Variants in TMEM108 observed in about 807,000 individuals in gnomAD.
The protein encoded by TMEM108 is cancer/testis antigen 124.
TMEM108 carries 12 observed loss-of-function variants against 35.1 expected under a neutral mutation model. That is an observed-to-expected ratio of 0.34 (90% confidence interval 0.22 to 0.55). The LOEUF (loss-of-function observed/expected upper bound fraction) is 0.55, where lower values mean the gene tolerates loss of function less well. TMEM108 is among the 20% of genes least tolerant of loss of function. The pLI is 0.89. For synonymous variants in TMEM108, 287 were observed against 308.6 expected (o/e 0.93, Z 0.73); for missense variants, 680 against 753.3 (o/e 0.90, Z 1.14).
At chr3:133,192,739 T>A (rs1293437423) in intron 2 of TMEM108, 1 of 152,348 alleles carries the variant, frequency 6.6e-6, no homozygotes, top group Non-Finnish European at 1.5e-5. Flanking sequence ...AATGAGCGGC[T>A]CCAGGCTTCT....
intron 4 of TMEM108, among the ~76,000 whole-genome samples, chr3:133,384,372 C>T (rs2073092727): frequency 6.6e-6 from 1 of 152,208 alleles, no homozygotes; most frequent in African/African-American, 2.4e-5. Context: ...TGATCCTCTG[C>T]TCCTGGTAGA....
intron 3 of TMEM108, among the ~76,000 whole-genome samples, chr3:133,322,014 G>A (rs1353908110): frequency 2.0e-5 from 3 of 151,992 alleles, no homozygotes; most frequent in African/African-American, 7.3e-5. Flanking sequence ...AAAACTTCTG[G>A]GTCACAGGAA....
In TMEM108 at chr3:133,221,477, T is replaced by C. The variant is rs1421986899; in HGVS notation, c.-46-7789T>C. Among the ~76,000 whole-genome samples the C allele has an allele frequency of 2.0e-5, 3 of 152,158 alleles. No homozygotes were observed. In the East Asian group the frequency reaches 5.8e-4, roughly 29 times the overall value. On this transcript the variant is annotated intron_variant, in intron 2 of 5. Transcript: ENST00000321871. ...ATCACTCAGTAAATTATAAGGAGTTTTGTGCAATGACTAGGAGAAGGGTCT... is the reference window on the plus strand; with the variant it reads ...ATCACTCAGTAAATTATAAGGAGTTCTGTGCAATGACTAGGAGAAGGGTCT...
At chr3:133,298,861 T>C (rs1395918371) in intron 3 of TMEM108, among the ~76,000 whole-genome samples, 1 of 152,198 alleles carries the variant, frequency 6.6e-6, no homozygotes, top group Non-Finnish European at 1.5e-5. Context: ...TATAGTTTTT[T>C]ATAATTATAA....
chr3:133,200,927 G>T (rs1945653653), intron 2 of TMEM108, among the ~76,000 whole-genome samples: 1 of 152,102 alleles, frequency 6.6e-6, no homozygotes, highest in African/African-American at 2.4e-5. Context: ...TACTCTATTG[G>T]ACAGTAGAAT....
At chr3:133,394,819 C>A (rs573861719) in intron 5 of TMEM108, among the ~76,000 whole-genome samples, 1 of 134,138 alleles carries the variant, frequency 7.5e-6, no homozygotes, top group East Asian at 2.4e-4. Context: ...ATTCATACAG[C>A]AGTAAGTACT....
At chr3:133,287,424 C>T (rs1947001095) in intron 3 of TMEM108, among the ~76,000 whole-genome samples, 1 of 152,180 alleles carries the variant, frequency 6.6e-6, no homozygotes, top group Non-Finnish European at 1.5e-5. Context: ...CCTGAACAAG[C>T]TACTGACAAA....
At chr3:133,304,462 T>C (rs1947273686) in intron 3 of TMEM108, among the ~76,000 whole-genome samples, 1 of 146,992 alleles carries the variant, frequency 6.8e-6, no homozygotes, top group Non-Finnish European at 1.5e-5. Context: ...TACATTTCTG[T>C]CACCCCAAAA....
At chr3:133,265,562 C>T (rs1012734892) in intron 3 of TMEM108, among the ~76,000 whole-genome samples, 5 of 152,170 alleles carry the variant, frequency 3.3e-5, no homozygotes, top group African/African-American at 4.8e-5. Flanking sequence ...TCTAACCTTT[C>T]CATCTCAACC....
chr3:133,191,702 A>G (rs1945500166), intron 2 of TMEM108, among the ~76,000 whole-genome samples: 2 of 152,200 alleles, frequency 1.3e-5, no homozygotes, highest in African/African-American at 2.4e-5. Flanking sequence ...GTCAAGATTC[A>G]TATGTTATCA....
intron 3 of TMEM108, among the ~76,000 whole-genome samples, chr3:133,240,944 A>G (rs1008275779): frequency 3.3e-5 from 5 of 152,184 alleles, no homozygotes; most frequent in Admixed American, 3.3e-4. Context: ...AAAAAAAAAG[A>G]AAAAGAAATG....
In TMEM108 at chr3:133,201,421, A is replaced by G. The variant is rs920410040; in HGVS notation, c.-46-27845A>G. On this transcript the variant is annotated intron_variant, in intron 2 of 5. Coordinates refer to ENST00000321871, the MANE Select transcript of TMEM108 (RefSeq NM_023943.4). ...CATCAACCCATCATCTACAGTAGGT[A>G]TTTCTTCTAATGCTATCCCTCCCCT... Among the ~76,000 whole-genome samples, 34 of 152,028 alleles carry G rather than the reference A, an allele frequency of 2.2e-4. 1 individual carries two copies. Among genetic ancestry groups the G allele is most frequent in the Non-Finnish European group, 1.5e-5 (1 of 67,998 alleles).
intron 2 of TMEM108, among the ~76,000 whole-genome samples, chr3:133,213,949 A>G (rs1945868941): frequency 6.6e-6 from 1 of 152,190 alleles, no homozygotes; most frequent in Non-Finnish European, 1.5e-5. Flanking sequence ...CAATTTTAAT[A>G]TGACACTAGA....
chr3:133,086,314 T>C (rs1157860618), intron 2 of TMEM108, among the ~76,000 whole-genome samples: 1 of 152,160 alleles, frequency 6.6e-6, no homozygotes. Context: ...TTTTTTTTCT[T>C]TTGCCATCTG....
At chr3:133,093,011 A>G (rs1311303808) in intron 2 of TMEM108, among the ~76,000 whole-genome samples, 3 of 143,168 alleles carry the variant, frequency 2.1e-5, no homozygotes, top group Admixed American at 7.1e-5. Context: ...TTTTTTTGAG[A>G]TGGAGTCTTA....
At chr3:133,214,088 A>G (rs1279477382) in intron 2 of TMEM108, among the ~76,000 whole-genome samples, 2 of 152,200 alleles carry the variant, frequency 1.3e-5, no homozygotes, top group Non-Finnish European at 1.5e-5. Flanking sequence ...GCATTCTGCT[A>G]CTGGGCGATA....
rs192697238 is a variant in TMEM108, at chr3:133,264,340, A to T, written c.40+34989A>T. Reference sequence around the variant, plus strand: ...ATTCACCCGAAGAAAGCTATCTATCATGCTATTTTCCCAGTTAATAATAGA... The same window carrying T: ...ATTCACCCGAAGAAAGCTATCTATCTTGCTATTTTCCCAGTTAATAATAGA... On this transcript the variant is annotated intron_variant, in intron 3 of 5. Coordinates refer to ENST00000321871, the MANE Select transcript of TMEM108 (RefSeq NM_023943.4). Among the ~76,000 whole-genome samples the T allele has an allele frequency of 4.6e-5, 7 of 152,198 alleles. No individual in the cohort carries two copies. In the East Asian group the frequency reaches 1.2e-3, roughly 25 times the overall value.
chr3:133,392,558 C>T (rs78779034), intron 5 of TMEM108, among the ~76,000 whole-genome samples: 4 of 152,238 alleles, frequency 2.6e-5, no homozygotes, highest in Non-Finnish European at 4.4e-5. Context: ...TCTCCCCTGG[C>T]CCCAGACTCA....
chr3:133,128,394 C>T (rs1213968512), intron 2 of TMEM108, among the ~76,000 whole-genome samples: 1 of 152,170 alleles, frequency 6.6e-6, no homozygotes, highest in Non-Finnish European at 1.5e-5. Context: ...AATATTTGAC[C>T]TGTCGAATCA....
Sources: gnomAD v4.1 joint callset for allele counts (sites outside exome capture counted in the v4.1 genomes callset) on GRCh38, gnomAD v4.1.1 for gene constraint, MANE v1.5 for transcripts, NCBI Gene and HGNC (gene_info 2026-07-23, HGNC 2026-07-21) for gene names.